GRIP1: variants seen among roughly 807,000 people sequenced by gnomAD.
GRIP1 encodes the protein glutamate receptor interacting protein 1.
A neutral mutation model predicts 129.9 loss-of-function variants in GRIP1; 45 were observed. The observed-to-expected ratio is 0.35, with a 90% confidence interval of 0.27 to 0.44. The LOEUF (loss-of-function observed/expected upper bound fraction) is 0.44, where lower values mean the gene tolerates loss of function less well. Among genes scored for constraint, GRIP1 ranks in the 20% least tolerant of loss-of-function variants. The probability of loss-of-function intolerance (pLI) is 1.00; values close to 1 mark genes in which losing one functional copy is unlikely to be tolerated. For missense variants in GRIP1, 1,196 were observed against 1,396.8 expected, an observed-to-expected ratio of 0.86 and a Z score of 2.29; for synonymous variants, 530 against 520.8, an observed-to-expected ratio of 1.02 and a Z score of -0.24.
In GRIP1 at chr12:66,987,561, C is replaced by G. The variant is rs926009673; in HGVS notation, c.58+81489G>C. ...CAAATGTAAAGGAACAGAGATATGTCTGCCAGAGAGAAAATCTACCCATAT... is the reference window on the plus strand; with the variant it reads ...CAAATGTAAAGGAACAGAGATATGTGTGCCAGAGAGAAAATCTACCCATAT... On this transcript the variant is annotated intron_variant, in intron 1 of 1. Transcript: ENST00000643019. Among the ~76,000 whole-genome samples the G allele has an allele frequency of 2.0e-5, 3 of 152,170 alleles. No homozygotes were observed. In the East Asian group the frequency reaches 5.8e-4, roughly 29 times the overall value.
At chr12:66,946,793 GTGTGGGGGCT>G (rs2041677221) in intron 1 of GRIP1, among the ~76,000 whole-genome samples, 13 of 88,454 alleles carry the variant, frequency 1.5e-4, no homozygotes, top group African/African-American at 4.1e-4. Context: ...GATGGGGGGG[GTGTGGGGGCT>G]GGGGGGGGCG....
chr12:66,460,309 A>G (rs2138292447), intron 9 of GRIP1, among the ~76,000 whole-genome samples: 1 of 152,270 alleles, frequency 6.6e-6, no homozygotes. Context: ...CAGTCTCAAG[A>G]GATATATGGC....
At chr12:66,726,998 C>T (rs2036276259) in intron 1 of GRIP1, among the ~76,000 whole-genome samples, 1 of 152,100 alleles carries the variant, frequency 6.6e-6, no homozygotes, top group East Asian at 1.9e-4. Context: ...TGTAGTAGTA[C>T]AAAATACAAA....
chr12:66,487,866 A>C (rs2059996736), intron 7 of GRIP1, among the ~76,000 whole-genome samples: 1 of 150,206 alleles, frequency 6.7e-6, no homozygotes, highest in Non-Finnish European at 1.5e-5. Flanking sequence ...TTAAACCAAC[A>C]AAGATAAAAA....
At chr12:66,644,429 T>A (rs760025515) in intron 1 of GRIP1, among the ~76,000 whole-genome samples, 1 of 152,186 alleles carries the variant, frequency 6.6e-6, no homozygotes, top group Non-Finnish European at 1.5e-5. Context: ...AACAAGTGAC[T>A]GCTCCACAGC....
chr12:66,351,556 G>GT (rs72111092), intron 24 of GRIP1, among the ~76,000 whole-genome samples: 2,566 of 49,378 alleles, frequency 0.052, 33 homozygotes, highest in Non-Finnish European at 0.086. Context: ...CAGGAAGGTG[G>GT]TTTTTTTTTT....
chr12:66,818,824 A>T (rs1252622601), intron 1 of GRIP1, among the ~76,000 whole-genome samples: 1 of 152,158 alleles, frequency 6.6e-6, no homozygotes, highest in East Asian at 1.9e-4. Flanking sequence ...CTCAAATAAC[A>T]TGGACCCCCA....
In GRIP1 at chr12:66,348,698, T is replaced by C. The variant is rs1363645424; in HGVS notation, c.*321A>G. Reference sequence around the variant, plus strand: ...ATATTTTCAAACAGATGTTTCTCTTTTTAAAAAGTGATAGTAAGATGAACT... The same window carrying C: ...ATATTTTCAAACAGATGTTTCTCTTCTTAAAAAGTGATAGTAAGATGAACT... On this transcript the variant is annotated 3_prime_UTR_variant, in exon 25 of 25. Transcript: ENST00000359742. The C allele has an allele frequency of 6.4e-6, 2 of 311,326 alleles. No individual in the cohort carries two copies. The highest frequency in any genetic ancestry group is 1.2e-5 in the Non-Finnish European group (2 of 166,702). The allele number at this position is 311,326 out of a possible 1,614,324, so 19.3% of individuals were successfully genotyped here.
intron 16 of GRIP1, 28 bp from the exon 17 acceptor site, chr12:66,394,380 T>G (rs1353440717): frequency 6.2e-7 from 1 of 1,609,216 alleles, no homozygotes. Context: ...GAATCATAAT[T>G]GATTTCTTTG....
At chr12:66,792,546 T>C (rs189106412) in intron 1 of GRIP1, among the ~76,000 whole-genome samples, 2 of 152,192 alleles carry the variant, frequency 1.3e-5, no homozygotes, top group Admixed American at 1.3e-4. Context: ...ATCTACAAAA[T>C]AAAATAATTT....
chr12:66,852,811 A>G (rs1157827307), intron 1 of GRIP1, among the ~76,000 whole-genome samples: 1 of 151,994 alleles, frequency 6.6e-6, no homozygotes, highest in Non-Finnish European at 1.5e-5. Flanking sequence ...CTAATGCCAA[A>G]AGATATAAAA....
At chr12:66,759,863 T>C (rs575576808) in intron 1 of GRIP1, among the ~76,000 whole-genome samples, 15 of 152,086 alleles carry the variant, frequency 9.9e-5, no homozygotes, top group Admixed American at 7.2e-4. Flanking sequence ...TCAACATTTT[T>C]TTTTTTTTTG....
At chr12:66,737,485 T>C (rs2136535932) in intron 1 of GRIP1, among the ~76,000 whole-genome samples, 1 of 152,246 alleles carries the variant, frequency 6.6e-6, no homozygotes, top group South Asian at 2.1e-4. Context: ...AGCTTCACCA[T>C]GTTGGTCAGG....
chr12:67,004,699 G>A (rs2042601865), intron 1 of GRIP1, among the ~76,000 whole-genome samples: 1 of 152,066 alleles, frequency 6.6e-6, no homozygotes, highest in Non-Finnish European at 1.5e-5. Context: ...AAAAAAACAT[G>A]AGTTAAATGT....
chr12:66,880,469 T>C (rs1026499431), intron 1 of GRIP1, among the ~76,000 whole-genome samples: 3 of 152,072 alleles, frequency 2.0e-5, no homozygotes, highest in Non-Finnish European at 4.4e-5. Context: ...AATATCATGA[T>C]TGGGAGATCC....
At chr12:66,704,372 T>C (rs2035457367) in intron 1 of GRIP1, among the ~76,000 whole-genome samples, 1 of 152,016 alleles carries the variant, frequency 6.6e-6, no homozygotes, top group Admixed American at 6.6e-5. Context: ...TAAAGAATTT[T>C]ATATAAATAA....
intron 7 of GRIP1, among the ~76,000 whole-genome samples, chr12:66,493,733 G>A (rs1209517339): frequency 7.9e-5 from 12 of 152,202 alleles, no homozygotes; most frequent in Non-Finnish European, 1.0e-4. Flanking sequence ...AAGGGCAAGA[G>A]TTAACAGATT....
In GRIP1 at chr12:66,736,346, ATTTTTTTTTTTTTTTT is replaced by A. The variant is rs547706592; in HGVS notation, c.-420+67691_-420+67706del. Among the ~76,000 whole-genome samples, 488 of 66,918 alleles carry A rather than the reference ATTTTTTTTTTTTTTTT, an allele frequency of 7.3e-3. 17 individuals carry two copies. Among genetic ancestry groups the A allele is most frequent in the African/African-American group, 0.023 (347 of 15,326 alleles). 43.9% of individuals were successfully genotyped at this position (66,918 alleles called of 152,430 possible). ...AGGTGTGCACCACCGTGCCTGGCTA[ATTTTTTTTTTTTTTTT>A]TTTTTTTTTTTTTTTTTTTTTTTTT... On this transcript the variant is annotated intron_variant, in intron 1 of 4. Transcript: ENST00000538373.
At chr12:66,925,936 G>A (rs936464010) in intron 1 of GRIP1, among the ~76,000 whole-genome samples, 7 of 152,132 alleles carry the variant, frequency 4.6e-5, no homozygotes, top group African/African-American at 1.2e-4. Flanking sequence ...GAGCCACTGC[G>A]CCCAGCCAGT....
Sources: gnomAD v4.1 joint callset for allele counts (sites outside exome capture counted in the v4.1 genomes callset) on GRCh38, gnomAD v4.1.1 for gene constraint, MANE v1.5 for transcripts, NCBI Gene and HGNC (gene_info 2026-07-23, HGNC 2026-07-21) for gene names.